MED1: variants seen among roughly 807,000 people sequenced by gnomAD.
MED1 encodes the protein mediator complex subunit 1.
In MED1, 17 loss-of-function variants were observed where a neutral mutation model predicts 121.3. That is an observed-to-expected ratio of 0.14 (90% CI 0.10 to 0.21). The LOEUF (loss-of-function observed/expected upper bound fraction) is 0.21, where lower values mean the gene tolerates loss of function less well. Ranked by LOEUF, MED1 falls within the 10% of genes least tolerant of loss-of-function variation. The pLI is 1.00. For missense variants in MED1, 1,558 were observed against 1,919.4 expected, an observed-to-expected ratio of 0.81 and a Z score of 3.52; for synonymous variants, 661 against 694.4, an observed-to-expected ratio of 0.95 and a Z score of 0.76.
chr17:39,419,645 G>A, intron 14 of MED1, 72 bp downstream of exon 14: 1 of 1,448,066 alleles, frequency 6.9e-7, no homozygotes, highest in African/African-American at 1.4e-5. Flanking sequence ...ATTCTGATGG[G>A]CCACCAATTA....
intron 2 of MED1, among the ~76,000 whole-genome samples, chr17:39,445,930 G>A (rs1026387624): frequency 6.6e-6 from 1 of 151,856 alleles, no homozygotes; most frequent in African/African-American, 2.4e-5. Flanking sequence ...TCAGGAGGCT[G>A]GGGCAGGAGA....
At chr17:39,429,104 G>A (rs940257662) in intron 9 of MED1, among the ~76,000 whole-genome samples, 3 of 151,042 alleles carry the variant, frequency 2.0e-5, no homozygotes, top group Non-Finnish European at 4.4e-5. Flanking sequence ...AGGATCACTT[G>A]AAGCCAGGAG....
At chr17:39,443,445 T>TA in intron 3 of MED1, 105 bp downstream of exon 3, 3 of 884,928 alleles carry the variant, frequency 3.4e-6, no homozygotes, top group Non-Finnish European at 5.5e-6. Context: ...ATCTAATACA[T>TA]AAAGTTGACC....
chr17:39,442,154 C>T (rs999140147), intron 3 of MED1, among the ~76,000 whole-genome samples: 1 of 150,362 alleles, frequency 6.7e-6, no homozygotes, highest in Non-Finnish European at 1.5e-5. Flanking sequence ...TCTGGTGGAT[C>T]ACAGTAAAAT....
intron 13 of MED1, among the ~76,000 whole-genome samples, chr17:39,422,051 C>T (rs1021377993): frequency 2.0e-5 from 3 of 150,538 alleles, no homozygotes; most frequent in African/African-American, 4.9e-5. Flanking sequence ...TGGCATGAAC[C>T]CGGGAGGTGG....
At chr17:39,416,933 G>A (rs1301491670) in intron 14 of MED1, among the ~76,000 whole-genome samples, 2 of 152,138 alleles carry the variant, frequency 1.3e-5, no homozygotes, top group Non-Finnish European at 2.9e-5. Flanking sequence ...GCGACTTGAG[G>A]AGCCTGAGGG....
rs151306706 is a variant in MED1 at position 39,418,895 on chromosome 17, C to G, written c.1297+822G>C. Among the ~76,000 whole-genome samples the G allele has an allele frequency of 4.0e-5, 6 of 151,378 alleles. No individual in the cohort carries two copies. In the East Asian group the frequency reaches 1.2e-3, roughly 29 times the overall value. Reference sequence around the variant, plus strand: ...CTCCGCCTCCTGGGTTCAAGTGATTCTCCTGCCTAAGACTCCCAAGTAGCT... The same window carrying G: ...CTCCGCCTCCTGGGTTCAAGTGATTGTCCTGCCTAAGACTCCCAAGTAGCT... On this transcript the variant is annotated intron_variant, in intron 14 of 16. Transcript: ENST00000300651.
chr17:39,440,826 G>T lies in MED1; in HGVS notation c.212-149C>A. ...ATTTACATAAAGTTCACTGATTAGG[G>T]TTAGCTGTGGCCTATGCAGTACTAA... On this transcript the variant is annotated intron_variant, in intron 3 of 16. Coordinates refer to ENST00000300651, the MANE Select transcript of MED1 (RefSeq NM_004774.4). The surrounding 1 kb of genome is among the most constrained non-coding windows in gnomAD (Gnocchi z 4.1). 2 of 765,044 alleles carry T rather than the reference G, an allele frequency of 2.6e-6. No individual in the cohort carries two copies. The highest frequency in any genetic ancestry group is 4.3e-6 in the Non-Finnish European group (2 of 466,714). The allele number at this position is 765,044 out of a possible 1,614,324, so 47.4% of individuals were successfully genotyped here.
chr17:39,439,072 C>G, intron 6 of MED1, 93 bp downstream of exon 6: 1 of 1,143,336 alleles, frequency 8.7e-7, no homozygotes, highest in Non-Finnish European at 1.3e-6. Flanking sequence ...AAACTTGTTC[C>G]TGAGGAGAAT....
intron 6 of MED1, among the ~76,000 whole-genome samples, chr17:39,438,055 CAGAAA>C (rs1013407251): frequency 9.0e-4 from 136 of 151,664 alleles, no homozygotes; most frequent in African/African-American, 3.0e-3. Context: ...CAAAAAAAAA[CAGAAA>C]AGAAAAGAAA....
chr17:39,431,816 T>C (rs1597866680), intron 8 of MED1, 126 bp downstream of exon 8: 1 of 629,746 alleles, frequency 1.6e-6, no homozygotes, highest in East Asian at 3.0e-5. Context: ...TCAAATACAA[T>C]CATCATTTTG....
chr17:39,435,744 GGAGTCC>G (rs1370357789), intron 6 of MED1, among the ~76,000 whole-genome samples: 1 of 151,882 alleles, frequency 6.6e-6, no homozygotes, highest in Non-Finnish European at 1.5e-5. Context: ...CGTCCAGGCT[GGAGTCC>G]GATGGCGATG....
chr17:39,414,340 T>A (rs1486261022), intron 16 of MED1, among the ~76,000 whole-genome samples: 1 of 147,700 alleles, frequency 6.8e-6, no homozygotes, highest in African/African-American at 2.5e-5. Context: ...AAAACAACAT[T>A]TTTTTTTTTT....
intron 9 of MED1, among the ~76,000 whole-genome samples, chr17:39,430,750 G>T (rs1024515797): frequency 6.6e-6 from 1 of 151,186 alleles, no homozygotes; most frequent in Non-Finnish European, 1.5e-5. Flanking sequence ...GGGCGCAGTG[G>T]CTCATGCCTG....
Position 39,406,444 on chromosome 17 carries a change from A to T in MED1, c.*1031T>A. On this transcript the variant is annotated 3_prime_UTR_variant, in exon 17 of 17. Transcript: ENST00000300651. ...ATGCAGACTTTTGGCACATTGTGGAAGTAGGAGAACTATTAATCCTGTAAT... is the reference window on the plus strand; with the variant it reads ...ATGCAGACTTTTGGCACATTGTGGATGTAGGAGAACTATTAATCCTGTAAT... 1.0e-6 allele frequency: 1 copy of T among 985,402 alleles called. No individual in the cohort carries two copies. The highest frequency in any genetic ancestry group is 1.2e-6 in the Non-Finnish European group (1 of 829,932). 61.0% of individuals were successfully genotyped at this position (985,402 alleles called of 1,614,324 possible).
chr17:39,442,321 G>A (rs898344008), intron 3 of MED1, among the ~76,000 whole-genome samples: 1 of 152,026 alleles, frequency 6.6e-6, no homozygotes, highest in Non-Finnish European at 1.5e-5. Context: ...CTTCTGGACA[G>A]GCATGGTAGC....
At position 39,451,033 on chromosome 17, in the gene MED1, C is replaced by T; in HGVS notation, c.25+5G>A. ...CGCCCCCTCCTTTCCCCTACAGTCA[C>T]TTACCCTCGGTTTCCCCCTGAGCTT... On this transcript the variant is annotated splice_donor_5th_base_variant and intron_variant, in intron 1 of 16. Coordinates refer to ENST00000300651, the MANE Select transcript of MED1 (RefSeq NM_004774.4). The T allele has an allele frequency of 6.2e-7, 1 of 1,611,560 alleles. No homozygotes were observed. Among genetic ancestry groups the T allele is most frequent in the Non-Finnish European group, 8.5e-7 (1 of 1,178,906 alleles).
intron 14 of MED1, 122 bp from the exon 15 acceptor site, chr17:39,415,461 G>A (rs113051457): frequency 0.011 from 7,962 of 745,680 alleles, 88 homozygotes; most frequent in Middle Eastern, 0.015. Flanking sequence ...ATTACCTGAG[G>A]TCAGGAGTTC....
intron 1 of MED1, among the ~76,000 whole-genome samples, chr17:39,449,098 C>G (rs571982925): frequency 4.0e-5 from 6 of 151,836 alleles, no homozygotes; most frequent in African/African-American, 1.2e-4. Context: ...TGCACTGGCA[C>G]AATCAAGGCC....
Sources: allele counts gnomAD v4.1 joint callset (sites outside exome capture counted in the v4.1 genomes callset), GRCh38; gene constraint gnomAD v4.1.1; non-coding constraint Gnocchi (gnomAD v3.1); transcripts MANE v1.5; gene names NCBI Gene and HGNC (gene_info 2026-07-23, HGNC 2026-07-21).